The following GPC5 variants were observed in gnomAD, a reference collection of about 807,000 sequenced individuals.
GPC5 encodes the protein glypican-5.
Under a neutral mutation model 53.9 loss-of-function variants are expected in GPC5, and 47 were observed. The observed-to-expected ratio is 0.87, with a 90% CI of 0.69 to 1.11. The LOEUF is 1.11. GPC5 is among the 50% of genes most tolerant of loss of function. The pLI is 0.00. For missense variants in GPC5, 748 were observed against 713.1 expected (o/e 1.05, Z -0.56); for synonymous variants, 286 against 263.3 (o/e 1.09, Z -0.84).
chr13:92,592,882 C>T (rs1013545383), intron 7 of GPC5, among the ~76,000 whole-genome samples: 2 of 151,098 alleles, frequency 1.3e-5, no homozygotes, highest in African/African-American at 4.9e-5. Flanking sequence ...GTGCATGCTT[C>T]GGTGGCCCTC....
intron 7 of GPC5, among the ~76,000 whole-genome samples, chr13:92,304,292 C>T (rs146485100): frequency 0.023 from 3,483 of 151,956 alleles, 64 homozygotes; most frequent in Non-Finnish European, 0.036. Flanking sequence ...GCAAGCTCCA[C>T]CTCCTGGGTT....
chr13:92,616,246 C>T (rs973264584), intron 7 of GPC5, among the ~76,000 whole-genome samples: 6 of 152,050 alleles, frequency 3.9e-5, no homozygotes, highest in African/African-American at 1.2e-4. Context: ...TTGATACCAC[C>T]AGGGCATTTT....
intron 2 of GPC5, among the ~76,000 whole-genome samples, chr13:91,503,246 T>C (rs1884747394): frequency 6.6e-6 from 1 of 152,146 alleles, no homozygotes; most frequent in Admixed American, 6.5e-5. Flanking sequence ...GATGAGAGAT[T>C]ATGTCTTTAC....
intron 5 of GPC5, among the ~76,000 whole-genome samples, chr13:91,761,830 A>C (rs1452659233): frequency 2.0e-5 from 3 of 152,034 alleles, no homozygotes; most frequent in Non-Finnish European, 4.4e-5. Flanking sequence ...TAATTTTGCC[A>C]TTGGCCATTG....
chr13:91,845,752 A>G (rs2038841822), intron 5 of GPC5, among the ~76,000 whole-genome samples: 1 of 152,196 alleles, frequency 6.6e-6, no homozygotes, highest in South Asian at 2.1e-4. Context: ...CCTTTCCTGT[A>G]TTTCGTAACT....
In GPC5 at chr13:92,163,379, T is replaced by C. The variant is rs1444213886; in HGVS notation, c.1561+18390T>C. On this transcript the variant is annotated intron_variant, in intron 7 of 7. Coordinates refer to ENST00000377067, the MANE Select transcript of GPC5 (RefSeq NM_004466.6). ...AGGAGACTGATGCAGGAGAATAGCT[T>C]GAACCTGGGAGGTGGAGGTTGCAGT... Among the ~76,000 whole-genome samples, 5 of 148,680 alleles carry C rather than the reference T, an allele frequency of 3.4e-5. No homozygotes were observed. In the Admixed American group the frequency reaches 3.4e-4, roughly 10 times the overall value.
intron 7 of GPC5, among the ~76,000 whole-genome samples, chr13:92,652,538 C>G (rs547541049): frequency 4.7e-4 from 71 of 152,210 alleles, no homozygotes; most frequent in African/African-American, 1.7e-3. Flanking sequence ...TAGAGTGTGG[C>G]AACCTTCCTG....
At chr13:92,312,422 A>T (rs2043151270) in intron 7 of GPC5, among the ~76,000 whole-genome samples, 1 of 152,234 alleles carries the variant, frequency 6.6e-6, no homozygotes, top group Admixed American at 6.5e-5. Context: ...CTGAAAAGAT[A>T]AACTCATAAC....
At chr13:91,870,568 G>A (rs530670705) in intron 5 of GPC5, among the ~76,000 whole-genome samples, 1 of 152,222 alleles carries the variant, frequency 6.6e-6, no homozygotes, top group South Asian at 2.1e-4. Context: ...TATTAACAGG[G>A]CACTTACCAT....
At chr13:92,542,665 G>A (rs1212226653) in intron 7 of GPC5, among the ~76,000 whole-genome samples, 2 of 151,736 alleles carry the variant, frequency 1.3e-5, no homozygotes, top group Non-Finnish European at 2.9e-5. Flanking sequence ...TTTCTTGTAC[G>A]GCAAACCTAC....
rs78888981 is a variant in GPC5 at position 92,353,865 on chromosome 13, T to G, written c.1561+208876T>G. Among the ~76,000 whole-genome samples, 799 of 152,316 alleles carry G rather than the reference T, an allele frequency of 5.2e-3. 6 individuals are homozygous for G. Among genetic ancestry groups the G allele is most frequent in the African/African-American group, 0.018 (758 of 41,578 alleles). On this transcript the variant is annotated intron_variant, in intron 7 of 7. Coordinates refer to ENST00000377067, the MANE Select transcript of GPC5 (RefSeq NM_004466.6). Reference sequence around the variant, plus strand: ...AAGGCATTTTGAAATTACTTAAAATTTATTTCTATAGAACATGAATTAATT... The same window carrying G: ...AAGGCATTTTGAAATTACTTAAAATGTATTTCTATAGAACATGAATTAATT...
At chr13:92,058,897 G>A (rs2041098445) in intron 6 of GPC5, among the ~76,000 whole-genome samples, 1 of 152,094 alleles carries the variant, frequency 6.6e-6, no homozygotes, top group Admixed American at 6.6e-5. Context: ...CAAATGTTAA[G>A]GTCTTTCATC....
chr13:91,591,362 G>A (rs1182942717), intron 2 of GPC5, among the ~76,000 whole-genome samples: 4 of 152,220 alleles, frequency 2.6e-5, no homozygotes, highest in East Asian at 3.9e-4. Context: ...TCCAGCTACC[G>A]TTAGGACTTT....
intron 2 of GPC5, among the ~76,000 whole-genome samples, chr13:91,646,546 G>T (rs1356263547): frequency 6.6e-6 from 1 of 151,952 alleles, no homozygotes; most frequent in East Asian, 1.9e-4. Context: ...ATGACAAAAT[G>T]AAATAAAGAA....
chr13:92,714,301 A>G (rs1888253243), intron 7 of GPC5, among the ~76,000 whole-genome samples: 1 of 152,228 alleles, frequency 6.6e-6, no homozygotes, highest in African/African-American at 2.4e-5. Flanking sequence ...ATTTTATGGC[A>G]TAAATCAGAG....
At chr13:92,270,001 G>C (rs9523570) in intron 7 of GPC5, among the ~76,000 whole-genome samples, 52,439 of 151,914 alleles carry the variant, frequency 0.35, 9,719 homozygotes, top group African/African-American at 0.48. Flanking sequence ...GGAGACCCTT[G>C]TACTTTTCTG....
At chr13:91,986,928 T>G (rs572233869) in intron 6 of GPC5, among the ~76,000 whole-genome samples, 3 of 141,052 alleles carry the variant, frequency 2.1e-5, no homozygotes, top group Non-Finnish European at 4.9e-5. Flanking sequence ...ACAAGGTGAC[T>G]GTGGCTGAAT....
intron 6 of GPC5, among the ~76,000 whole-genome samples, chr13:91,999,644 C>A (rs2040536927): frequency 1.3e-5 from 2 of 152,252 alleles, no homozygotes; most frequent in African/African-American, 4.8e-5. Context: ...CTCTTTTATT[C>A]ATTTGCTGTG....
chr13:92,865,589 G>A (rs1879311668), intron 7 of GPC5, among the ~76,000 whole-genome samples: 1 of 152,014 alleles, frequency 6.6e-6, no homozygotes, highest in African/African-American at 2.4e-5. Context: ...TGCGCAGCAT[G>A]GTAACTATCA....
Sources: allele counts gnomAD v4.1 joint callset (sites outside exome capture counted in the v4.1 genomes callset), GRCh38; gene constraint gnomAD v4.1.1; transcripts MANE v1.5; gene names NCBI Gene and HGNC (gene_info 2026-07-23, HGNC 2026-07-21).